CAPS2: variants seen among roughly 807,000 people sequenced by gnomAD.
CAPS2 encodes the protein calcyphosin-2.
A neutral mutation model predicts 86.5 loss-of-function variants in CAPS2; 98 were observed. That is an observed-to-expected ratio of 1.13 (90% CI 0.96 to 1.34). The LOEUF (loss-of-function observed/expected upper bound fraction) is 1.34, where lower values mean the gene tolerates loss of function less well. CAPS2 is among the 40% of genes most tolerant of loss of function. CAPS2 has a pLI of 0.00. For missense variants in CAPS2, 729 were observed against 686.8 expected (o/e 1.06, Z -0.69); for synonymous variants, 210 against 225.1 (o/e 0.93, Z 0.60).
chr12:75,315,631 T>C (rs544412273), intron 6 of CAPS2, among the ~76,000 whole-genome samples: 2 of 152,182 alleles, frequency 1.3e-5, no homozygotes, highest in Non-Finnish European at 2.9e-5. Context: ...TATTGCTTTG[T>C]TACTATTTAT....
intron 8 of CAPS2, among the ~76,000 whole-genome samples, chr12:75,300,118 G>T (rs372889898): frequency 7.7e-4 from 117 of 152,200 alleles, no homozygotes; most frequent in Middle Eastern, 3.4e-3. Context: ...ATACGTGAAT[G>T]ACTTTTATAT....
At chr12:75,361,198 C>A (rs983224572) in intron 1 of CAPS2, among the ~76,000 whole-genome samples, 2 of 150,752 alleles carry the variant, frequency 1.3e-5, no homozygotes, top group African/African-American at 4.9e-5. Flanking sequence ...TGTTGGTATG[C>A]CAAAAAAAAT....
chr12:75,308,816 G>A (rs1194225512), intron 7 of CAPS2, among the ~76,000 whole-genome samples: 1 of 142,284 alleles, frequency 7.0e-6, no homozygotes, highest in African/African-American at 2.7e-5. Flanking sequence ...ACAAAAGTGA[G>A]ATTAAAAAAA....
intron 7 of CAPS2, chr12:75,305,566 C>T: frequency 1.6e-6 from 1 of 631,280 alleles, no homozygotes; most frequent in Non-Finnish European, 3.0e-6. Context: ...CCTGGCAGAG[C>T]CGCAGAGCCC....
intron 1 of CAPS2, among the ~76,000 whole-genome samples, chr12:75,344,216 C>G (rs1468980230): frequency 6.6e-6 from 1 of 152,064 alleles, no homozygotes; most frequent in Non-Finnish European, 1.5e-5. Flanking sequence ...TTCTCTCACT[C>G]TCTCTCTTCC....
exon 1 of CAPS2, chr12:75,326,435 T>G: frequency 6.7e-7 from 1 of 1,499,980 alleles, no homozygotes; most frequent in Non-Finnish European, 9.1e-7. Flanking sequence ...GGCTTCTTTC[T>G]TCCAAAGAAT....
In CAPS2 at chr12:75,321,590, GA is replaced by G; in HGVS notation, c.292-15del. The stretch of plus-strand genomic sequence containing the variant: ...TATGTTCTGATCCTATAGGTAAAAA[GA>G]AAAAAGCATGCTATCAGAAAAAAAA... On this transcript the variant is annotated splice_polypyrimidine_tract_variant and intron_variant, in intron 4 of 16. Transcript: ENST00000393284. The G allele has an allele frequency of 2.0e-6, 3 of 1,518,864 alleles. No individual in the cohort carries two copies. The highest frequency in any genetic ancestry group is 2.7e-6 in the Non-Finnish European group (3 of 1,128,430). The allele number at this position is 1,518,864 out of a possible 1,614,324, so 94.1% of individuals were successfully genotyped here. A position where few individuals can be genotyped will look rare whatever the true frequency, so the allele number is the denominator to read the frequency against.
intron 6 of CAPS2, 125 bp from the exon 7 acceptor site, chr12:75,313,040 A>G (rs2138834155): frequency 1.9e-6 from 1 of 536,560 alleles, no homozygotes; most frequent in Non-Finnish European, 3.3e-6. Context: ...ATGGAAATAG[A>G]TTACTATTAT....
chr12:75,334,300 T>C (rs775992291), upstream of CAPS2: 8 of 170,016 alleles, frequency 4.7e-5, no homozygotes, highest in Non-Finnish European at 8.5e-5. Context: ...TAAAAATCTA[T>C]ACACGGAAGC....
intron 1 of CAPS2, among the ~76,000 whole-genome samples, chr12:75,357,808 A>G (rs976037685): frequency 1.3e-5 from 2 of 151,972 alleles, no homozygotes; most frequent in African/African-American, 4.8e-5. Context: ...TGCTGAACTG[A>G]ATGAAATTAA....
chr12:75,316,051 A>G (rs776167774), intron 6 of CAPS2, among the ~76,000 whole-genome samples: 28 of 152,218 alleles, frequency 1.8e-4, no homozygotes, highest in Admixed American at 2.6e-4. Context: ...ACTCACTAAC[A>G]TAAATAGCAG....
chr12:75,322,956 A>G, intron 4 of CAPS2: 1 of 1,291,446 alleles, frequency 7.7e-7, no homozygotes, highest in East Asian at 2.5e-5. Flanking sequence ...GAAAATTGAT[A>G]AGCAAATAAA....
intron 7 of CAPS2, among the ~76,000 whole-genome samples, chr12:75,306,976 G>A (rs1416733104): frequency 6.6e-6 from 1 of 152,058 alleles, no homozygotes. Context: ...AGGAGAAGGA[G>A]TAAGGGTACC....
At chr12:75,320,499 T>G (rs1211627216) in intron 5 of CAPS2, among the ~76,000 whole-genome samples, 1 of 152,102 alleles carries the variant, frequency 6.6e-6, no homozygotes, top group Non-Finnish European at 1.5e-5. Context: ...AAAAATGTTT[T>G]CAAAATAAGA....
rs147196976 is a variant in CAPS2, at chr12:75,290,484, T to TTGACAA, written c.1241-715_1241-710dup. ...AAGTTCAATTGTGACAAATACTGTA[T>TTGACAA]TGACAATGATATAATAAACTGTTTA... On this transcript the variant is annotated intron_variant, in intron 13 of 16. Transcript: ENST00000393284. Among the ~76,000 whole-genome samples, 367 of 152,258 alleles carry TTGACAA rather than the reference T, an allele frequency of 2.4e-3. 1 individual carries two copies. The highest frequency in any genetic ancestry group is 8.7e-3 in the African/African-American group (361 of 41,558).
intron 7 of CAPS2, among the ~76,000 whole-genome samples, chr12:75,311,733 A>AC (rs2039237904): frequency 8.5e-5 from 10 of 117,354 alleles, no homozygotes; most frequent in African/African-American, 3.0e-4. Context: ...ACAAAAAAAA[A>AC]AAAAAAAACC....
intron 1 of CAPS2, among the ~76,000 whole-genome samples, chr12:75,350,333 G>C (rs1418580298): frequency 6.6e-6 from 1 of 152,228 alleles, no homozygotes; most frequent in Non-Finnish European, 1.5e-5. Flanking sequence ...AGTCTGGGTA[G>C]TCTGGACAAG....
chr12:75,323,145 G>A, intron 3 of CAPS2, 32 bp downstream of exon 4: 1 of 1,497,470 alleles, frequency 6.7e-7, no homozygotes, highest in South Asian at 1.2e-5. Context: ...GTGTTTTAAT[G>A]TTTATTATAT....
Position 75,319,401 on chromosome 12 carries a change from C to T in CAPS2, c.468+1999G>A, listed in dbSNP as rs113843524. 7.9e-4 allele frequency among the ~76,000 whole-genome samples: 121 copies of T among 152,214 alleles called. 1 individual carries two copies. Among genetic ancestry groups the T allele is most frequent in the African/African-American group, 2.6e-3 (110 of 41,542 alleles). On this transcript the variant is annotated intron_variant, in intron 5 of 16. Transcript: ENST00000393284. ...GTTGTTCAAAAGAGCCTGGCACCTT[C>T]GCATGCTCTCTTGCCTCCTATGTTG...
Sources: gnomAD v4.1 joint callset for allele counts (sites outside exome capture counted in the v4.1 genomes callset) on GRCh38, gnomAD v4.1.1 for gene constraint, MANE v1.5 for transcripts, NCBI Gene and HGNC (gene_info 2026-07-23, HGNC 2026-07-21) for gene names.